Variants in LYPLAL1 observed in about 807,000 individuals in gnomAD.
The protein encoded by LYPLAL1 is lysophospholipase like 1.
Under a neutral mutation model 19.7 loss-of-function variants are expected in LYPLAL1, and 23 were observed. The ratio of observed to expected loss-of-function variants is 1.17; its 90% CI spans 0.84 to 1.65. The LOEUF is 1.65. Among genes scored for constraint, LYPLAL1 ranks in the 40% most tolerant of loss-of-function variants. The pLI, the probability that LYPLAL1 is intolerant of heterozygous loss-of-function variation, is 0.00. For missense variants in LYPLAL1, 355 were observed against 279.4 expected (o/e 1.27, Z -1.93); for synonymous variants, 119 against 96.3 (o/e 1.24, Z -1.38).
At chr1:219,196,743 G>T (rs1276272373) in intron 3 of LYPLAL1, among the ~76,000 whole-genome samples, 1 of 152,124 alleles carries the variant, frequency 6.6e-6, no homozygotes, top group Non-Finnish European at 1.5e-5. Context: ...CCAATATCTA[G>T]AAAACTCTAT....
intron 2 of LYPLAL1, among the ~76,000 whole-genome samples, chr1:219,189,335 A>G (rs74884850): frequency 6.6e-6 from 1 of 151,562 alleles, no homozygotes; most frequent in South Asian, 2.1e-4. Context: ...TGAGTGTTGT[A>G]TTTTTGATAT....
the LYPLAL1 span, among the ~76,000 whole-genome samples, chr1:219,262,823 C>A: frequency 6.6e-6 from 1 of 152,198 alleles, no homozygotes; most frequent in Admixed American, 6.5e-5. Flanking sequence ...GTTATTCTAG[C>A]AGTGAAGTTG....
At chr1:219,246,814 G>C in the LYPLAL1 span, among the ~76,000 whole-genome samples, 1 of 152,148 alleles carries the variant, frequency 6.6e-6, no homozygotes, top group African/African-American at 2.4e-5. Flanking sequence ...TCAAATTCCT[G>C]GGCTCAAATG....
the LYPLAL1 span, among the ~76,000 whole-genome samples, chr1:219,316,217 C>T: frequency 2.0e-5 from 3 of 152,092 alleles, no homozygotes; most frequent in Admixed American, 2.0e-4. Context: ...TTTCTACATC[C>T]TCTTCATTCT....
At chr1:219,217,375 G>T (rs1659328182), downstream of LYPLAL1, among the ~76,000 whole-genome samples, 1 of 35,004 alleles carries the variant, frequency 2.9e-5, no homozygotes. Flanking sequence ...GTTTTGCCAG[G>T]TTTGGTGTGT....
chr1:219,423,019 C>G, the LYPLAL1 span, among the ~76,000 whole-genome samples: 1 of 152,102 alleles, frequency 6.6e-6, no homozygotes, highest in Non-Finnish European at 1.5e-5. Context: ...TCATCATTCA[C>G]GAAGCAGGAA....
At chr1:219,424,669 C>G in the LYPLAL1 span, among the ~76,000 whole-genome samples, 4 of 152,182 alleles carry the variant, frequency 2.6e-5, no homozygotes, top group African/African-American at 7.2e-5. Flanking sequence ...CAGAGGCCAC[C>G]ACACTGCTTC....
At chr1:219,338,112 C>T in the LYPLAL1 span, among the ~76,000 whole-genome samples, 3 of 152,116 alleles carry the variant, frequency 2.0e-5, no homozygotes, top group South Asian at 6.2e-4. Flanking sequence ...ACTTACCCTA[C>T]CCCAAGTTTC....
At chr1:219,354,518 CA>C in the LYPLAL1 span, among the ~76,000 whole-genome samples, 1 of 152,158 alleles carries the variant, frequency 6.6e-6, no homozygotes, top group Admixed American at 6.5e-5. Context: ...TTGATTAAAG[CA>C]GTAAGTCGCA....
At chr1:219,245,092 CTCTT>C in the LYPLAL1 span, among the ~76,000 whole-genome samples, 2 of 145,154 alleles carry the variant, frequency 1.4e-5, no homozygotes, top group African/African-American at 2.5e-5. Context: ...TTTCTTCTTT[CTCTT>C]TCTTTCCCTT....
chr1:219,375,417 G>A, the LYPLAL1 span, among the ~76,000 whole-genome samples: 1 of 147,198 alleles, frequency 6.8e-6, no homozygotes, highest in Admixed American at 6.9e-5. Flanking sequence ...AGTGAGCCAG[G>A]ATCGCAGCAC....
the LYPLAL1 span, among the ~76,000 whole-genome samples, chr1:219,354,297 A>G: frequency 6.6e-6 from 1 of 152,182 alleles, no homozygotes; most frequent in Non-Finnish European, 1.5e-5. Flanking sequence ...CCCAGGTTCA[A>G]CTGATTCTTC....
At chr1:219,283,739 C>A in the LYPLAL1 span, among the ~76,000 whole-genome samples, 7 of 152,134 alleles carry the variant, frequency 4.6e-5, no homozygotes, top group Admixed American at 4.6e-4. Context: ...AGCATTCCTG[C>A]CATTTTTAAC....
At chr1:219,192,510 G>A (rs1657262799) in intron 2 of LYPLAL1, among the ~76,000 whole-genome samples, 1 of 151,588 alleles carries the variant, frequency 6.6e-6, no homozygotes, top group African/African-American at 2.4e-5. Flanking sequence ...CATGCCAAGG[G>A]ATAAGGATTA....
chr1:219,177,447 T>C (rs1352031528), intron 1 of LYPLAL1, among the ~76,000 whole-genome samples: 1 of 152,180 alleles, frequency 6.6e-6, no homozygotes, highest in African/African-American at 2.4e-5. Flanking sequence ...TCCTCCCCTC[T>C]AGCTGTCCAT....
At chr1:219,356,522 A>T in the LYPLAL1 span, among the ~76,000 whole-genome samples, 4 of 152,152 alleles carry the variant, frequency 2.6e-5, no homozygotes, top group African/African-American at 4.8e-5. Context: ...AAAAGGGAAA[A>T]TAGAATTTTT....
At chr1:219,193,344 G>C (rs896990556) in intron 3 of LYPLAL1, 93 bp downstream of exon 3, 1 of 960,696 alleles carries the variant, frequency 1.0e-6, no homozygotes, top group Admixed American at 2.5e-5. Context: ...AGAAGCACTT[G>C]TATATCATTC....
chr1:219,368,978 T>C, the LYPLAL1 span, among the ~76,000 whole-genome samples: 4 of 152,238 alleles, frequency 2.6e-5, no homozygotes, highest in African/African-American at 9.6e-5. Flanking sequence ...TATATTCCAG[T>C]TAAGTGCCCA....
the LYPLAL1 span, among the ~76,000 whole-genome samples, chr1:219,340,348 A>G: frequency 6.6e-6 from 1 of 152,014 alleles, no homozygotes; most frequent in Non-Finnish European, 1.5e-5. Context: ...CCCCAGGCTC[A>G]AACCACATTA....
Sources: gnomAD v4.1 joint callset for allele counts (sites outside exome capture counted in the v4.1 genomes callset) on GRCh38, gnomAD v4.1.1 for gene constraint, MANE v1.5 for transcripts, NCBI Gene and HGNC (gene_info 2026-07-23, HGNC 2026-07-21) for gene names.